The following LIMCH1 variants were observed in gnomAD, a reference collection of about 807,000 sequenced individuals.
LIMCH1 encodes LIM and calponin homology domains 1.
LIMCH1 carries 113 observed loss-of-function variants against 176.5 expected under a neutral mutation model. That is an observed-to-expected ratio of 0.64 (90% CI 0.55 to 0.75). LIMCH1 has a LOEUF of 0.75. Among genes scored for constraint, LIMCH1 ranks in the 30% least tolerant of loss-of-function variants. LIMCH1 has a pLI of 0.00. For missense variants in LIMCH1, 1,674 were observed against 1,814.9 expected (o/e 0.92, Z 1.41); for synonymous variants, 619 against 645.9 (o/e 0.96, Z 0.63).
chr4:41,596,855 G>A (rs914886701), intron 1 of LIMCH1, among the ~76,000 whole-genome samples: 1 of 152,130 alleles, frequency 6.6e-6, no homozygotes, highest in Non-Finnish European at 1.5e-5. Flanking sequence ...TGTGAACAAT[G>A]GCATCTCTTG....
intron 1 of LIMCH1, among the ~76,000 whole-genome samples, chr4:41,407,488 C>G (rs1211441455): frequency 2.6e-5 from 4 of 152,194 alleles, no homozygotes; most frequent in Non-Finnish European, 5.9e-5. Context: ...CCTTGGCCTC[C>G]CAAAGTGCCG....
intron 1 of LIMCH1, among the ~76,000 whole-genome samples, chr4:41,553,858 A>G (rs2080875597): frequency 6.6e-6 from 1 of 152,158 alleles, no homozygotes; most frequent in African/African-American, 2.4e-5. Context: ...CATACCTACT[A>G]TGCACCAGAT....
intron 1 of LIMCH1, among the ~76,000 whole-genome samples, chr4:41,400,050 A>C (rs1445325052): frequency 1.3e-5 from 2 of 150,466 alleles, no homozygotes; most frequent in Non-Finnish European, 3.0e-5. Context: ...ACTGAAGCTT[A>C]GAGAGATTAC....
chr4:41,685,382 T>C (rs1274673309), intron 27 of LIMCH1, among the ~76,000 whole-genome samples: 1 of 152,218 alleles, frequency 6.6e-6, no homozygotes, highest in African/African-American at 2.4e-5. Context: ...AATGGGTGTT[T>C]ACTGTGTTTT....
At chr4:41,693,786 G>C (rs1017525224) in intron 31 of LIMCH1, among the ~76,000 whole-genome samples, 2 of 152,066 alleles carry the variant, frequency 1.3e-5, no homozygotes, top group African/African-American at 4.8e-5. Flanking sequence ...CACAGTGAAT[G>C]TAATTTATGG....
chr4:41,694,950 A>T (rs1013730040), intron 31 of LIMCH1, among the ~76,000 whole-genome samples: 1 of 152,038 alleles, frequency 6.6e-6, no homozygotes, highest in Non-Finnish European at 1.5e-5. Context: ...TGGGGGAAAA[A>T]ATCTCATTGC....
chr4:41,648,398 C>T (rs1187611122), intron 17 of LIMCH1, among the ~76,000 whole-genome samples: 1 of 152,154 alleles, frequency 6.6e-6, no homozygotes, highest in Non-Finnish European at 1.5e-5. Flanking sequence ...GGTGGTATGG[C>T]GGCCTCAGGA....
At chr4:41,531,004 T>A (rs1039798034) in intron 3 of LIMCH1, among the ~76,000 whole-genome samples, 1 of 151,766 alleles carries the variant, frequency 6.6e-6, no homozygotes, top group Non-Finnish European at 1.5e-5. Flanking sequence ...GTATCTTTAC[T>A]CTAAAGTTCA....
chr4:41,644,582 C>G lies in LIMCH1; in HGVS notation c.2209C>G (p.Leu737Val). The G allele has an allele frequency of 6.2e-7, 1 of 1,611,582 alleles. No individual in the cohort carries two copies. Among genetic ancestry groups the G allele is most frequent in the Non-Finnish European group, 8.5e-7 (1 of 1,179,112 alleles). ...HSRARQEQLQ[L>V]INNQLREEDD... ...CAGGGCCCGCCAGGAGCAGCTGCAGCTGATAAATAACCAGCTGAGGGAAGA... is the reference window on the plus strand; with the variant it reads ...CAGGGCCCGCCAGGAGCAGCTGCAGGTGATAAATAACCAGCTGAGGGAAGA... Residue 737 changes from leucine (L) to valine (V), a missense_variant, in exon 15 of 32, where the codon CTG (leucine) becomes GTG (valine). Leu to Val is a conservative substitution (Grantham distance 32). Around this residue, in one of 3 missense-constraint regions of LIMCH1, gnomAD observed 1,015 missense variants for 1,102.5 expected, o/e 0.92. Coordinates refer to ENST00000503057, the MANE Select transcript of LIMCH1 (RefSeq NM_001330672.2).
chr4:41,563,819 G>T (rs2082370012), intron 1 of LIMCH1, among the ~76,000 whole-genome samples: 1 of 152,168 alleles, frequency 6.6e-6, no homozygotes, highest in African/African-American at 2.4e-5. Flanking sequence ...CTCTATTAGA[G>T]ATGAAAACAG....
At position 41,360,975 on chromosome 4, in the gene LIMCH1, C is replaced by G. The variant is rs779977407; in HGVS notation, c.96+39C>G. 1 of 1,466,606 alleles carries G rather than the reference C, an allele frequency of 6.8e-7. No homozygotes were observed. The highest frequency in any genetic ancestry group is 9.2e-7 in the Non-Finnish European group (1 of 1,083,344). The allele number at this position is 1,466,606 out of a possible 1,614,324, so 90.8% of individuals were successfully genotyped here. A position where few individuals can be genotyped will look rare whatever the true frequency, so the allele number is the denominator to read the frequency against. ...GCTGGCGGGCGGCCTTGCACTGGCGCCCTGAGCCACGGACCCGCGCACGCT... is the reference window on the plus strand; with the variant it reads ...GCTGGCGGGCGGCCTTGCACTGGCGGCCTGAGCCACGGACCCGCGCACGCT... On this transcript the variant is annotated intron_variant, in intron 1 of 26. Coordinates refer to the LIMCH1 transcript ENST00000313860. This position sits in a 1 kb window ranked among gnomAD's most constrained non-coding sequence, Gnocchi z 4.5.
intron 30 of LIMCH1, among the ~76,000 whole-genome samples, chr4:41,690,941 G>T (rs550992991): frequency 6.6e-6 from 1 of 152,250 alleles, no homozygotes; most frequent in South Asian, 2.1e-4. Flanking sequence ...ATGTTTTGAG[G>T]CTCAAGGAAT....
chr4:41,467,077 A>C (rs1188295690), intron 1 of LIMCH1, among the ~76,000 whole-genome samples: 2 of 151,854 alleles, frequency 1.3e-5, no homozygotes, highest in African/African-American at 4.8e-5. Flanking sequence ...TCATGCCTTC[A>C]TCCATGTTAT....
chr4:41,463,544 A>C, intron 1 of LIMCH1, among the ~76,000 whole-genome samples: 1 of 149,024 alleles, frequency 6.7e-6, no homozygotes, highest in Non-Finnish European at 1.5e-5. Flanking sequence ...TCTGCTCCCT[A>C]CCCCTCACTT....
chr4:41,388,647 C>CTT (rs11462401), intron 1 of LIMCH1, among the ~76,000 whole-genome samples: 111 of 151,132 alleles, frequency 7.3e-4, no homozygotes, highest in African/African-American at 1.7e-3. Flanking sequence ...ATCCATTAAG[C>CTT]TTTTTTGTTT....
At chr4:41,609,814 A>AG (rs1051766710) in intron 4 of LIMCH1, among the ~76,000 whole-genome samples, 5 of 152,354 alleles carry the variant, frequency 3.3e-5, no homozygotes, top group African/African-American at 1.2e-4. Context: ...AGGAGAATGT[A>AG]GATGTGCTAG....
At chr4:41,522,291 T>C (rs566999717) in intron 2 of LIMCH1, among the ~76,000 whole-genome samples, 22 of 152,240 alleles carry the variant, frequency 1.4e-4, no homozygotes, top group African/African-American at 4.6e-4. Flanking sequence ...CAAAATATAT[T>C]GTTAAGTGAA....
intron 1 of LIMCH1, among the ~76,000 whole-genome samples, chr4:41,433,590 G>A (rs186896784): frequency 1.1e-4 from 17 of 152,116 alleles, no homozygotes; most frequent in African/African-American, 2.4e-4. Flanking sequence ...AGGTTTGGGC[G>A]CCCTCATAGC....
chr4:41,439,434 G>A (rs1413153145), intron 1 of LIMCH1, among the ~76,000 whole-genome samples: 1 of 151,564 alleles, frequency 6.6e-6, no homozygotes, highest in Non-Finnish European at 1.5e-5. Flanking sequence ...AAAAAATACA[G>A]GAATTAGCTG....
Sources: gnomAD v4.1 joint callset for allele counts (sites outside exome capture counted in the v4.1 genomes callset) on GRCh38, gnomAD v4.1.1 for gene constraint, gnomAD v4.1.1 regional missense constraint, Gnocchi (gnomAD v3.1) non-coding constraint, MANE v1.5 for transcripts, NCBI Gene and HGNC (gene_info 2026-07-23, HGNC 2026-07-21) for gene names.